The following TSPEAR variants were observed in gnomAD, a reference collection of about 807,000 sequenced individuals.
The protein encoded by TSPEAR is thrombospondin-type laminin G domain and EAR repeat-containing protein.
Under a neutral mutation model 71.6 loss-of-function variants are expected in TSPEAR, and 69 were observed. The observed-to-expected ratio is 0.96, with a 90% CI of 0.79 to 1.18. TSPEAR has a LOEUF of 1.18. Ranked by LOEUF, TSPEAR falls within the 50% of genes most tolerant of loss-of-function variation. TSPEAR has a pLI of 0.00. For synonymous variants in TSPEAR, 402 were observed against 387.2 expected, an observed-to-expected ratio of 1.04 and a Z score of -0.45; for missense variants, 971 against 894.9, an observed-to-expected ratio of 1.09 and a Z score of -1.09.
At chr21:44,620,823 C>T (rs1240875514) in intron 1 of TSPEAR, among the ~76,000 whole-genome samples, 2 of 152,106 alleles carry the variant, frequency 1.3e-5, no homozygotes, top group Admixed American at 6.5e-5. Flanking sequence ...TATGTACTGC[C>T]TTCATTGCAT....
chr21:44,518,326 T>G (rs1555913771), intron 9 of TSPEAR: 1 of 468,132 alleles, frequency 2.1e-6, no homozygotes, highest in Admixed American at 2.4e-5. Flanking sequence ...GACACGCAGC[T>G]GGCCAGGTAC....
chr21:44,598,026 A>G (rs1980482347), intron 1 of TSPEAR, among the ~76,000 whole-genome samples: 1 of 152,162 alleles, frequency 6.6e-6, no homozygotes, highest in Non-Finnish European at 1.5e-5. Flanking sequence ...CTTCTCTTCA[A>G]ACAGGCTGCT....
intron 1 of TSPEAR, among the ~76,000 whole-genome samples, chr21:44,708,007 GCACACACACACACA>G (rs58196199): frequency 3.3e-4 from 41 of 122,406 alleles, no homozygotes; most frequent in African/African-American, 5.6e-4. Flanking sequence ...CCCCGCGCGT[GCACACACACACACA>G]CACACACACA....
At chr21:44,677,940 G>C (rs955669921) in intron 1 of TSPEAR, 46 of 1,383,154 alleles carry the variant, frequency 3.3e-5, no homozygotes, top group Admixed American at 2.0e-4. Context: ...CAAAAGGCCA[G>C]CTCCAGCAAT....
chr21:44,568,896 C>G (rs1331792794), intron 1 of TSPEAR, among the ~76,000 whole-genome samples: 2 of 152,210 alleles, frequency 1.3e-5, no homozygotes, highest in African/African-American at 4.8e-5. Context: ...TCCACTCTGG[C>G]ACCCTCTAGG....
intron 1 of TSPEAR, chr21:44,591,737 A>T (rs1979873997): frequency 6.3e-7 from 1 of 1,596,106 alleles, no homozygotes; most frequent in Admixed American, 1.7e-5. Flanking sequence ...TGCTGGCAGC[A>T]TGAAGAGGAA....
At chr21:44,601,895 C>G in intron 1 of TSPEAR, 6 of 1,021,830 alleles carry the variant, frequency 5.9e-6, no homozygotes, top group Non-Finnish European at 7.1e-6. Flanking sequence ...AGAAGCAGCT[C>G]AGCTGTTTCT....
chr21:44,559,261 T>G (rs1358191526), intron 2 of TSPEAR, among the ~76,000 whole-genome samples: 3 of 152,226 alleles, frequency 2.0e-5, no homozygotes, highest in Admixed American at 6.5e-5. Flanking sequence ...AGATCCACCC[T>G]GTGGGTTGAC....
chr21:44,658,687 G>A (rs992389125), intron 1 of TSPEAR, among the ~76,000 whole-genome samples: 3 of 152,104 alleles, frequency 2.0e-5, no homozygotes, highest in Non-Finnish European at 2.9e-5. Flanking sequence ...TGGCCTGAAG[G>A]TTCTGTCCCC....
chr21:44,615,242 G>A (rs1400942457), intron 1 of TSPEAR, among the ~76,000 whole-genome samples: 12 of 152,256 alleles, frequency 7.9e-5, no homozygotes. Flanking sequence ...GGCGAATGGA[G>A]CCAGCGCCGC....
intron 2 of TSPEAR, chr21:44,550,589 C>T: frequency 6.6e-7 from 1 of 1,512,752 alleles, no homozygotes; most frequent in Admixed American, 1.9e-5. Context: ...GCTGGGGCTG[C>T]TCCTTCTGTG....
chr21:44,514,037 T>C (rs2052478658), intron 9 of TSPEAR, among the ~76,000 whole-genome samples: 1 of 152,174 alleles, frequency 6.6e-6, no homozygotes, highest in Non-Finnish European at 1.5e-5. Context: ...GCCTGGCACC[T>C]TCCCCAAGCT....
intron 1 of TSPEAR, among the ~76,000 whole-genome samples, chr21:44,661,890 A>G (rs1326126482): frequency 2.0e-5 from 3 of 152,214 alleles, no homozygotes; most frequent in African/African-American, 7.2e-5. Flanking sequence ...CACCCCCGTG[A>G]TCCAATCACC....
rs782202654 is a variant in TSPEAR, at chr21:44,529,786, C to G, written c.790+12G>C. 5 of 1,613,352 alleles carry G rather than the reference C, an allele frequency of 3.1e-6. No individual in the cohort carries two copies. The Admixed American group carries it at 6.7e-5, about 22-fold the overall frequency. On this transcript the variant is annotated intron_variant, in intron 5 of 11. Coordinates refer to ENST00000323084, the MANE Select transcript of TSPEAR (RefSeq NM_144991.3). ...TGCCTTTGGTGTGGGGGCGGGTGGC[C>G]CCCCTACTAACCATAGGGATATTTT... is the stretch of plus-strand genomic sequence containing the variant.
At position 44,687,847 on chromosome 21, in the gene TSPEAR, C is replaced by T. The variant is rs1169596458; in HGVS notation, c.82+23586G>A. On this transcript the variant is annotated intron_variant, in intron 1 of 11. Coordinates refer to ENST00000323084, the MANE Select transcript of TSPEAR (RefSeq NM_144991.3). This position sits in a 1 kb window ranked among gnomAD's most constrained non-coding sequence, Gnocchi z 4.4. The stretch of plus-strand genomic sequence containing the variant: ...TCACATGCAAAACAAATGCTGAACT[C>T]GAGTTAATGGCAGGTTGCTGCAGTG... Among the ~76,000 whole-genome samples, 9 of 152,156 alleles carry T rather than the reference C, an allele frequency of 5.9e-5. 1 individual carries two copies. The highest frequency in any genetic ancestry group is 1.4e-4 in the African/African-American group (6 of 41,434).
At chr21:44,545,672 A>T (rs2053292353) in intron 2 of TSPEAR, among the ~76,000 whole-genome samples, 1 of 152,230 alleles carries the variant, frequency 6.6e-6, no homozygotes, top group African/African-American at 2.4e-5. Flanking sequence ...GAGTCAAAGG[A>T]GAAACTCAAA....
chr21:44,611,683 G>A (rs782811798), intron 1 of TSPEAR, among the ~76,000 whole-genome samples: 1 of 152,090 alleles, frequency 6.6e-6, no homozygotes, highest in Non-Finnish European at 1.5e-5. Flanking sequence ...GAGAACATCT[G>A]CTGGTAAAAA....
intron 1 of TSPEAR, among the ~76,000 whole-genome samples, chr21:44,688,491 A>C (rs1267565955): frequency 3.9e-5 from 6 of 151,990 alleles, no homozygotes; most frequent in African/African-American, 7.3e-5. Context: ...GAGGCCGAGG[A>C]GGGCAGATCA....
At chr21:44,694,405 A>G (rs1467651658) in intron 1 of TSPEAR, among the ~76,000 whole-genome samples, 1 of 152,226 alleles carries the variant, frequency 6.6e-6, no homozygotes, top group Non-Finnish European at 1.5e-5. Context: ...GACCAGTGAC[A>G]GTGGGGAGAA....
Sources: allele counts gnomAD v4.1 joint callset (sites outside exome capture counted in the v4.1 genomes callset), GRCh38; gene constraint gnomAD v4.1.1; non-coding constraint Gnocchi (gnomAD v3.1); transcripts MANE v1.5; gene names NCBI Gene and HGNC (gene_info 2026-07-23, HGNC 2026-07-21).